The following CERS4 variants were observed in gnomAD, a reference collection of about 807,000 sequenced individuals.
CERS4 encodes the protein ceramide synthase 4, also known as LAG1 homolog, ceramide synthase 4.
CERS4 carries 65 observed loss-of-function variants against 51.8 expected under a neutral mutation model. The ratio of observed to expected loss-of-function variants is 1.26; its 90% CI spans 1.03 to 1.54. The LOEUF (loss-of-function observed/expected upper bound fraction) is 1.54, where lower values mean the gene tolerates loss of function less well. CERS4 is among the 40% of genes most tolerant of loss of function. CERS4 has a pLI of 0.00. For missense variants in CERS4, 563 were observed against 500.4 expected (o/e 1.13, Z -1.19); for synonymous variants, 228 against 208.4 (o/e 1.09, Z -0.81).
intron 10 of CERS4, among the ~76,000 whole-genome samples, chr19:8,259,307 G>A (rs1413473300): frequency 1.3e-5 from 2 of 152,166 alleles, no homozygotes; most frequent in African/African-American, 4.8e-5. Flanking sequence ...AATAGCATGT[G>A]CAAAGGGCCT....
chr19:8,248,926 G>A (rs954963356), intron 2 of CERS4, among the ~76,000 whole-genome samples: 5 of 151,234 alleles, frequency 3.3e-5, no homozygotes, highest in Non-Finnish European at 5.9e-5. Context: ...GTAGATGGAT[G>A]AGTGGATAGG....
intron 2 of CERS4, among the ~76,000 whole-genome samples, chr19:8,223,215 C>T (rs2145186204): frequency 6.6e-6 from 1 of 151,710 alleles, no homozygotes; most frequent in East Asian, 1.9e-4. Flanking sequence ...ACCTGTAATC[C>T]CAGCACTTTG....
At position 8,251,146 on chromosome 19, in the gene CERS4, G is replaced by C; in HGVS notation, c.70G>C (p.Glu24Gln). 1 of 1,613,282 alleles carries C rather than the reference G, an allele frequency of 6.2e-7. No homozygotes were observed. The highest frequency in any genetic ancestry group is 2.2e-5 in the East Asian group (1 of 44,808). ...FWLPPNVTWT[E>Q]LEDRDGRVYP... ...GTTACCACCCAATGTCACGTGGACA[G>C]AGCTAGAAGACCGGGATGGCCGTGT... Residue 24 changes from glutamate (E) to glutamine (Q), a missense_variant, in exon 3 of 12, where the codon GAG becomes CAG. Physicochemically the swap from Glu to Gln is conservative, Grantham distance 29. Transcript: ENST00000251363.
intron 2 of CERS4, among the ~76,000 whole-genome samples, chr19:8,242,810 A>T (rs2967623): frequency 0.8 from 121,446 of 152,014 alleles, 49,222 homozygotes; most frequent in Middle Eastern, 0.87. Context: ...TCAGTCAGTA[A>T]ACTGGTGGGC....
At chr19:8,221,379 A>T (rs1252163164) in intron 2 of CERS4, among the ~76,000 whole-genome samples, 1 of 152,122 alleles carries the variant, frequency 6.6e-6, no homozygotes, top group African/African-American at 2.4e-5. Flanking sequence ...GAACTGGTCA[A>T]GACTGCACTT....
intron 3 of CERS4, among the ~76,000 whole-genome samples, chr19:8,252,369 TAA>T (rs57107362): frequency 2.8e-5 from 4 of 144,440 alleles, no homozygotes; most frequent in South Asian, 4.3e-4. Context: ...AAACTCCATC[TAA>T]AAAAAAAAAG....
rs202234195 is a variant in CERS4 at position 8,261,646 on chromosome 19, G to A, written c.849-42G>A. 271 of 1,610,694 alleles carry A rather than the reference G, an allele frequency of 1.7e-4. 1 individual carries two copies. The East Asian group carries it at 5.2e-3, about 31-fold the overall frequency. On this transcript the variant is annotated intron_variant, in intron 10 of 11. Transcript: ENST00000251363. ...AATTCTTAGGACTGGGGGCTACAGC[G>A]GCTGGTCAAACCCCAGCCTCCTCCT...
At chr19:8,260,385 TTA>T (rs1491458466) in intron 10 of CERS4, among the ~76,000 whole-genome samples, 30 of 132,558 alleles carry the variant, frequency 2.3e-4, no homozygotes, top group Admixed American at 1.2e-3. Flanking sequence ...TTTTTTTTTT[TTA>T]GTAGAGATGG....
In CERS4 at chr19:8,262,165, G is replaced by A; in HGVS notation, c.*56G>A. 1 of 1,407,044 alleles carries A rather than the reference G, an allele frequency of 7.1e-7. No individual in the cohort carries two copies. The highest frequency in any genetic ancestry group is 3.2e-5 in the Admixed American group (1 of 31,218). 87.2% of individuals were successfully genotyped at this position (1,407,044 alleles called of 1,614,324 possible). A position where few individuals can be genotyped will look rare whatever the true frequency, so the allele number is the denominator to read the frequency against. ...CCCCGCCAGTGCCTTGGATATTTCT[G>A]GGGTGACTGGACTGGCGCCCCTGGG... is the stretch of plus-strand genomic sequence containing the variant. On this transcript the variant is annotated 3_prime_UTR_variant, in exon 12 of 12. Coordinates refer to ENST00000251363, the MANE Select transcript of CERS4 (RefSeq NM_024552.3).
At chr19:8,245,762 A>AC (rs1341738063) in intron 2 of CERS4, among the ~76,000 whole-genome samples, 2 of 150,230 alleles carry the variant, frequency 1.3e-5, no homozygotes, top group East Asian at 3.9e-4. Context: ...CTGGTCTCAA[A>AC]CTCCTGATCG....
chr19:8,216,524 C>A (rs1216725925), intron 2 of CERS4, among the ~76,000 whole-genome samples: 1 of 151,990 alleles, frequency 6.6e-6, no homozygotes, highest in Admixed American at 6.6e-5. Context: ...TGCCTGTAAT[C>A]CCAGCACTTT....
intron 2 of CERS4, among the ~76,000 whole-genome samples, chr19:8,214,708 C>A (rs34487611): frequency 0.023 from 3,491 of 151,280 alleles, 213 homozygotes; most frequent in East Asian, 0.19. Flanking sequence ...GCAGTGGTCA[C>A]CTGTGCTGGG....
chr19:8,223,546 G>A (rs1009775985), intron 2 of CERS4, among the ~76,000 whole-genome samples: 26 of 152,152 alleles, frequency 1.7e-4, no homozygotes, highest in African/African-American at 5.8e-4. Flanking sequence ...TTGAACCTGG[G>A]AGGCGGAGGT....
rs149609100 is a variant in CERS4 at position 8,254,763 on chromosome 19, A to G, written c.291+147A>G. 2.3e-4 allele frequency: 157 copies of G among 690,892 alleles called. No individual in the cohort carries two copies. The African/African-American group carries it at 2.4e-3, about 10-fold the overall frequency. 42.8% of individuals were successfully genotyped at this position (690,892 alleles called of 1,614,324 possible). The stretch of plus-strand genomic sequence containing the variant: ...CCCTACTTTCCACTCTTCATCCTCA[A>G]TTCCCTGGGAAAGGGCTCTACCCCC... On this transcript the variant is annotated intron_variant, in intron 4 of 11. Coordinates refer to ENST00000251363, the MANE Select transcript of CERS4 (RefSeq NM_024552.3).
intron 10 of CERS4, among the ~76,000 whole-genome samples, chr19:8,260,641 G>A (rs1969636015): frequency 6.6e-6 from 1 of 151,868 alleles, no homozygotes; most frequent in Admixed American, 6.6e-5. Flanking sequence ...AGTGGGATTG[G>A]AGTTGATGAT....
intron 2 of CERS4, among the ~76,000 whole-genome samples, chr19:8,212,537 CAAGCTGGGAGCCAAGG>C: frequency 6.6e-6 from 1 of 152,082 alleles, no homozygotes; most frequent in East Asian, 1.9e-4. Flanking sequence ...GAGTGGGTGG[CAAGCTGGGAGCCAAGG>C]GAGCTGGGGC....
chr19:8,257,432 G>C (rs1969454998), intron 9 of CERS4, among the ~76,000 whole-genome samples: 2 of 116,340 alleles, frequency 1.7e-5, no homozygotes, highest in Admixed American at 1.9e-4. Context: ...ACACACGCAT[G>C]TATTCACATT....
intron 2 of CERS4, among the ~76,000 whole-genome samples, chr19:8,223,988 G>T (rs1246560918): frequency 2.0e-5 from 3 of 150,802 alleles, no homozygotes; most frequent in African/African-American, 2.4e-5. Context: ...TGTAGTCCCA[G>T]ATACTTGGGA....
chr19:8,242,426 G>A (rs1968576390), intron 2 of CERS4, among the ~76,000 whole-genome samples: 1 of 152,146 alleles, frequency 6.6e-6, no homozygotes, highest in Non-Finnish European at 1.5e-5. Context: ...GAAGCAATGG[G>A]CATGATTCAG....
Sources: gnomAD v4.1 joint callset for allele counts (sites outside exome capture counted in the v4.1 genomes callset) on GRCh38, gnomAD v4.1.1 for gene constraint, MANE v1.5 for transcripts, NCBI Gene and HGNC (gene_info 2026-07-23, HGNC 2026-07-21) for gene names.